The following HSF1 variants were observed in gnomAD, a reference collection of about 807,000 sequenced individuals.
HSF1 encodes the protein heat shock transcription factor 1, also known as heat shock factor protein 1.
In HSF1, 32 loss-of-function variants were observed where a neutral mutation model predicts 51.7. The observed-to-expected ratio is 0.62, with a 90% CI of 0.47 to 0.83. The LOEUF is 0.83. Among genes scored for constraint, HSF1 ranks in the 40% least tolerant of loss-of-function variants. The probability of loss-of-function intolerance (pLI) is 0.00; values close to 1 mark genes in which losing one functional copy is unlikely to be tolerated. For synonymous variants in HSF1, 396 were observed against 309.7 expected (o/e 1.28, Z -2.92); for missense variants, 727 against 717.0 (o/e 1.01, Z -0.16).
intron 4 of HSF1, 157 bp from the exon 5 acceptor site, chr8:144,311,017 T>C: frequency 3.0e-6 from 2 of 674,624 alleles, no homozygotes; most frequent in South Asian, 3.8e-5. Context: ...TGGCCCCCAG[T>C]CCCTCCACAC....
intron 1 of HSF1, among the ~76,000 whole-genome samples, chr8:144,303,184 G>A (rs141197288): frequency 1.1e-3 from 171 of 152,126 alleles, no homozygotes; most frequent in African/African-American, 3.9e-3. Flanking sequence ...TGGTATAGAT[G>A]GGGGTCTCGC....
In HSF1 at chr8:144,291,914, G is replaced by A; in HGVS notation, c.117+40G>A. On this transcript the variant is annotated intron_variant, in intron 1 of 12. Coordinates refer to ENST00000528838, the MANE Select transcript of HSF1 (RefSeq NM_005526.4). This position sits in a 1 kb window ranked among gnomAD's most constrained non-coding sequence, Gnocchi z 4.1. ...CGGGCGCGGGGCCCGTGGGGACCGGGAGGGAGCAGGGCCGCGGCGGACGGC... is the reference window on the plus strand; with the variant it reads ...CGGGCGCGGGGCCCGTGGGGACCGGAAGGGAGCAGGGCCGCGGCGGACGGC... 8.3e-7 allele frequency: 1 copy of A among 1,204,654 alleles called. No individual in the cohort carries two copies. The highest frequency in any genetic ancestry group is 1.1e-6 in the Non-Finnish European group (1 of 900,452). The allele number at this position is 1,204,654 out of a possible 1,614,324, so 74.6% of individuals were successfully genotyped here. A position where few individuals can be genotyped will look rare whatever the true frequency, so the allele number is the denominator to read the frequency against.
At chr8:144,311,433 C>T (rs1816650250) in intron 6 of HSF1, 51 bp downstream of exon 6, 1 of 1,612,134 alleles carries the variant, frequency 6.2e-7, no homozygotes, top group South Asian at 1.1e-5. Context: ...AGGGCTGTCC[C>T]CCTTCTCTGT....
intron 1 of HSF1, among the ~76,000 whole-genome samples, chr8:144,299,737 G>A (rs892057201): frequency 3.2e-4 from 49 of 151,844 alleles, no homozygotes; most frequent in African/African-American, 1.2e-3. Context: ...GTGAAACCCC[G>A]TCTCTACTAA....
intron 10 of HSF1, 110 bp from the exon 11 acceptor site, chr8:144,313,736 G>GCGCCGCCTCCCCGCCC: frequency 2.9e-5 from 1 of 34,414 alleles, no homozygotes; most frequent in South Asian, 9.4e-4. Flanking sequence ...CCGCCTCCCC[G>GCGCCGCCTCCCCGCCC]CGCCTCCCCG....
chr8:144,313,673 G>GCGCCT (rs1816908999), intron 10 of HSF1, 57 bp downstream of exon 10: 3 of 86,510 alleles, frequency 3.5e-5, no homozygotes, highest in African/African-American at 2.1e-4. Context: ...GCGCCGCCCC[G>GCGCCT]CCTCCCCGCC....
At chr8:144,310,806 C>T (rs1210577696) in intron 4 of HSF1, 3 of 318,214 alleles carry the variant, frequency 9.4e-6, no homozygotes, top group Non-Finnish European at 1.8e-5. Flanking sequence ...AACCGTCCTC[C>T]CTTAACCTGG....
rs143928888 is a variant in HSF1 at position 144,309,480 on chromosome 8, C to A, written c.252C>A (p.Ile84=). Residue 84 remains isoleucine, a synonymous_variant, in exon 3 of 13, where the codon ATC becomes ATA. Coordinates refer to ENST00000528838, the MANE Select transcript of HSF1 (RefSeq NM_005526.4). ...ATGGCTTCCGGAAAGTGGTCCACAT[C>A]GAGCAGGGCGGCCTGGTCAAGCCAG... is the stretch of plus-strand genomic sequence containing the variant. ...NMYGFRKVVH[I]EQGGLVKPER... 1.9e-6 allele frequency: 3 copies of A among 1,613,920 alleles called. No individual in the cohort carries two copies. Among genetic ancestry groups the A allele is most frequent in the Non-Finnish European group, 2.5e-6 (3 of 1,180,026 alleles).
At position 144,312,173 on chromosome 8, in the gene HSF1, C is replaced by T. The variant is rs370819503; in HGVS notation, c.1071C>T (p.Thr357=). 72 of 1,606,626 alleles carry T rather than the reference C, an allele frequency of 4.5e-5. No homozygotes were observed. In the Admixed American group the frequency reaches 9.0e-4, roughly 20 times the overall value. ...ALTDARGHTD[T]EGRPPSPPPT... The stretch of plus-strand genomic sequence containing the variant: ...CGGACGCCAGGGGCCACACGGACAC[C>T]GAGGGCCGGCCTCCCTCCCCCCCGC... Residue 357 remains threonine (T), a synonymous_variant, in exon 9 of 13, where the codon ACC becomes ACT. Transcript: ENST00000528838.
chr8:144,306,519 C>T (rs1200656365), intron 1 of HSF1, among the ~76,000 whole-genome samples: 2 of 152,108 alleles, frequency 1.3e-5, no homozygotes, highest in Non-Finnish European at 1.5e-5. Flanking sequence ...TGCGCCACCA[C>T]GCCCACTTAA....
chr8:144,311,009 G>GC, intron 4 of HSF1, 165 bp from the exon 5 acceptor site: 1 of 650,566 alleles, frequency 1.5e-6, no homozygotes, highest in Non-Finnish European at 2.6e-6. Flanking sequence ...CCTGGCCCTG[G>GC]CCCCCAGTCC....
chr8:144,309,619 G>C (rs375468130), intron 3 of HSF1, 28 bp downstream of exon 3: 3 of 1,611,290 alleles, frequency 1.9e-6, no homozygotes, highest in Admixed American at 1.7e-5. Flanking sequence ...ACCCTTGCCC[G>C]GTCTCACCTG....
intron 2 of HSF1, chr8:144,309,251 G>T (rs1445946727): frequency 2.2e-5 from 15 of 697,066 alleles, no homozygotes; most frequent in Non-Finnish European, 2.4e-5. Flanking sequence ...TGTACTCCAC[G>T]TGTGTCGGGC....
At chr8:144,296,846 A>T (rs1345752930) in intron 1 of HSF1, among the ~76,000 whole-genome samples, 1 of 150,174 alleles carries the variant, frequency 6.7e-6, no homozygotes, top group Non-Finnish European at 1.5e-5. Flanking sequence ...GTCCTCATAC[A>T]GCTTCTGTGC....
chr8:144,295,044 T>G (rs952278489), intron 1 of HSF1, among the ~76,000 whole-genome samples: 2 of 151,932 alleles, frequency 1.3e-5, no homozygotes, highest in African/African-American at 2.4e-5. Context: ...GACAGGCACC[T>G]CCATAGAACT....
Position 144,314,448 on chromosome 8 carries a change from T to A in HSF1, c.*118T>A. The A allele has an allele frequency of 1.2e-6, 1 of 833,512 alleles. No individual in the cohort carries two copies. The highest frequency in any genetic ancestry group is 1.9e-6 in the Non-Finnish European group (1 of 527,244). 51.6% of individuals were successfully genotyped at this position (833,512 alleles called of 1,614,324 possible). ...GGTGGGTCGGCCGCCATAGCCCCAG[T>A]AGGACAAACGGGCTCGGGTCTGGGC... On this transcript the variant is annotated 3_prime_UTR_variant, in exon 13 of 13. Coordinates refer to ENST00000528838, the MANE Select transcript of HSF1 (RefSeq NM_005526.4).
At chr8:144,300,503 G>A (rs919380870) in intron 1 of HSF1, among the ~76,000 whole-genome samples, 24 of 152,028 alleles carry the variant, frequency 1.6e-4, no homozygotes, top group Middle Eastern at 3.2e-3. Context: ...CAGCCACCGC[G>A]CCCGGCCTGT....
At chr8:144,313,938 G>A (rs782265013) in intron 11 of HSF1, 27 bp downstream of exon 11, 6 of 1,610,288 alleles carry the variant, frequency 3.7e-6, no homozygotes, top group Non-Finnish European at 3.4e-6. Flanking sequence ...GGGGTGAGGG[G>A]GAACGAGACC....
At chr8:144,309,665 C>T in intron 3 of HSF1, 74 bp downstream of exon 3, 2 of 1,504,826 alleles carry the variant, frequency 1.3e-6, no homozygotes, top group African/African-American at 1.4e-5. Context: ...CCTGAGGGCT[C>T]CCACCCCAGC....
Sources: gnomAD v4.1 joint callset for allele counts (sites outside exome capture counted in the v4.1 genomes callset) on GRCh38, gnomAD v4.1.1 for gene constraint, Gnocchi (gnomAD v3.1) non-coding constraint, MANE v1.5 for transcripts, NCBI Gene and HGNC (gene_info 2026-07-23, HGNC 2026-07-21) for gene names.